Variants in KCNJ4 observed in about 807,000 individuals in gnomAD.
The protein encoded by KCNJ4 is potassium inwardly rectifying channel subfamily J member 4.
A neutral mutation model predicts 25.6 loss-of-function variants in KCNJ4; 3 were observed. The observed-to-expected ratio is 0.12, with a 90% CI of 0.05 to 0.30. The LOEUF (loss-of-function observed/expected upper bound fraction) is 0.30, where lower values mean the gene tolerates loss of function less well. Among genes scored for constraint, KCNJ4 ranks in the 10% least tolerant of loss-of-function variants. The pLI is 1.00. For missense variants in KCNJ4, 286 were observed against 666.8 expected, an observed-to-expected ratio of 0.43 and a Z score of 6.29; for synonymous variants, 257 against 283.9, an observed-to-expected ratio of 0.91 and a Z score of 0.95.
chr22:38,432,667 G>A (rs2093053771), intron 1 of KCNJ4, among the ~76,000 whole-genome samples: 1 of 152,114 alleles, frequency 6.6e-6, no homozygotes, highest in South Asian at 2.1e-4. Flanking sequence ...ATGGCAAAAT[G>A]AGCCTAAGAA....
rs139610789 is a variant in KCNJ4, at chr22:38,426,822, G to T, written c.1311C>A (p.Ile437=). ...AGATGGCAGACTCCCTGCGGTAGGAGATGTTGTCCAGCGGGAGGGAAGCCT... is the reference window on the plus strand; with the variant it reads ...AGATGGCAGACTCCCTGCGGTAGGATATGTTGTCCAGCGGGAGGGAAGCCT... ...RMQASLPLDN[I]SYRRESAI Residue 437 remains isoleucine, a synonymous_variant, in exon 2 of 2, where the codon ATC becomes ATA. Coordinates refer to ENST00000303592, the MANE Select transcript of KCNJ4 (RefSeq NM_152868.3). 2 of 1,612,896 alleles carry T rather than the reference G, an allele frequency of 1.2e-6. No individual in the cohort carries two copies. Among genetic ancestry groups the T allele is most frequent in the African/African-American group, 2.7e-5 (2 of 74,900 alleles).
Position 38,427,592 on chromosome 22 carries a change from G to T in KCNJ4, c.541C>A (p.Arg181=). The T allele has an allele frequency of 6.2e-7, 1 of 1,611,998 alleles. No individual in the cohort carries two copies. Among genetic ancestry groups the T allele is most frequent in the Non-Finnish European group, 8.5e-7 (1 of 1,178,942 alleles). Residue 181 remains arginine (R), a synonymous_variant, in exon 2 of 2, where the codon CGG becomes AGG. Coordinates refer to ENST00000303592, the MANE Select transcript of KCNJ4 (RefSeq NM_152868.3). ...IMAKMARPKK[R]AQTLLFSHHA... ...TGGCTGAACAGCAACGTCTGCGCCC[G>T]CTTCTTGGGCCGCGCCATCTTGGCC...
intron 1 of KCNJ4, 60 bp from the exon 2 acceptor site, chr22:38,428,231 C>T: frequency 1.4e-6 from 2 of 1,427,360 alleles, no homozygotes; most frequent in Non-Finnish European, 1.9e-6. Flanking sequence ...CTCGGGGCCA[C>T]TCAGACTCAG....
At chr22:38,444,109 C>T (rs1028265818) in intron 1 of KCNJ4, among the ~76,000 whole-genome samples, 5 of 152,126 alleles carry the variant, frequency 3.3e-5, no homozygotes, top group Non-Finnish European at 5.9e-5. Context: ...GGCCCCGAGG[C>T]CCTCCCTCCC....
Position 38,427,776 on chromosome 22 carries a change from G to A in KCNJ4, c.357C>T (p.Asn119=), listed in dbSNP as rs777364120. The change falls in exon 2 of 2, where the codon AAC becomes AAT. Residue 119 remains asparagine, a synonymous_variant. Transcript: ENST00000303592. ...VAPKPCIMHV[N]GFLGAFLFSV... Reference sequence around the variant, plus strand: ...AGAACAGGAAGGCACCCAGGAAGCCGTTCACGTGCATGATGCAGGGCTTGG... The same window carrying A: ...AGAACAGGAAGGCACCCAGGAAGCCATTCACGTGCATGATGCAGGGCTTGG... The A allele has an allele frequency of 2.6e-5, 42 of 1,608,926 alleles. No homozygotes were observed. The highest frequency in any genetic ancestry group is 3.5e-5 in the Non-Finnish European group (41 of 1,178,168).
intron 1 of KCNJ4, among the ~76,000 whole-genome samples, chr22:38,438,022 T>C (rs549336556): frequency 6.6e-6 from 1 of 151,686 alleles, no homozygotes; most frequent in East Asian, 2.0e-4. Context: ...GTGGATCACC[T>C]GAGGTCAGGA....
Position 38,426,783 on chromosome 22 carries a change from C to T in KCNJ4, c.*12G>A, listed in dbSNP as rs374216144. 49 of 1,595,882 alleles carry T rather than the reference C, an allele frequency of 3.1e-5. No individual in the cohort carries two copies. In the African/African-American group the frequency reaches 5.0e-4, roughly 16 times the overall value. ...GGCTCTTGTGGGCAGTGGTGAGGGC[C>T]GGGCCTGGAGGTCAGATGGCAGACT... On this transcript the variant is annotated 3_prime_UTR_variant, in exon 2 of 2. Coordinates refer to ENST00000303592, the MANE Select transcript of KCNJ4 (RefSeq NM_152868.3).
intron 1 of KCNJ4, among the ~76,000 whole-genome samples, chr22:38,440,260 G>C (rs1174749980): frequency 4.0e-5 from 6 of 150,124 alleles, no homozygotes. Context: ...ATAAAAAGTA[G>C]GCTGGGCATG....
chr22:38,430,633 T>A (rs2093046840), intron 1 of KCNJ4, among the ~76,000 whole-genome samples: 1 of 152,146 alleles, frequency 6.6e-6, no homozygotes. Flanking sequence ...CTTTGCCCCC[T>A]CCCGCAGCAT....
chr22:38,426,480 G>C lies in KCNJ4; in HGVS notation c.*315C>G. The C allele has an allele frequency of 6.0e-6, 1 of 166,476 alleles. No individual in the cohort carries two copies. Among genetic ancestry groups the C allele is most frequent in the Non-Finnish European group, 1.2e-5 (1 of 83,876 alleles). The allele number at this position is 166,476 out of a possible 1,614,324, so 10.3% of individuals were successfully genotyped here. On this transcript the variant is annotated 3_prime_UTR_variant, in exon 2 of 2. Coordinates refer to ENST00000303592, the MANE Select transcript of KCNJ4 (RefSeq NM_152868.3). ...GAGATGTCCCCCGCCCAGCAGTCCA[G>C]CCACCTTCCCCAAGGTTCTGAGAGC...
At chr22:38,437,140 A>G (rs1426488218) in intron 1 of KCNJ4, among the ~76,000 whole-genome samples, 1 of 151,764 alleles carries the variant, frequency 6.6e-6, no homozygotes, top group East Asian at 1.9e-4. Flanking sequence ...CATTCCTCCT[A>G]CTCTGCACCC....
intron 1 of KCNJ4, among the ~76,000 whole-genome samples, chr22:38,433,897 G>T (rs2093057812): frequency 6.6e-6 from 1 of 152,176 alleles, no homozygotes; most frequent in African/African-American, 2.4e-5. Context: ...AGGTTTTCCC[G>T]ACAATTTTAG....
At chr22:38,446,216 GGCTGGCCATTCTCCTCTGTCCTCTA>G (rs1382152459) in intron 1 of KCNJ4, among the ~76,000 whole-genome samples, 1 of 152,246 alleles carries the variant, frequency 6.6e-6, no homozygotes, top group Non-Finnish European at 1.5e-5. Context: ...GCCCGTGGCT[GGCTGGCCATTCTCCTCTGTCCTCTA>G]GCCTGTTGTC....
chr22:38,444,622 G>C (rs1191247639), intron 1 of KCNJ4, among the ~76,000 whole-genome samples: 2 of 152,222 alleles, frequency 1.3e-5, no homozygotes, highest in South Asian at 2.1e-4. Context: ...CCTAGTGGGA[G>C]AGGGCATGGG....
intron 1 of KCNJ4, among the ~76,000 whole-genome samples, chr22:38,448,288 C>A (rs1265320154): frequency 6.6e-6 from 1 of 151,540 alleles, no homozygotes. Context: ...ATCCCTGCAG[C>A]CCGGGTCGCT....
chr22:38,444,843 C>T (rs1238341154), intron 1 of KCNJ4, among the ~76,000 whole-genome samples: 2 of 152,186 alleles, frequency 1.3e-5, no homozygotes, highest in Non-Finnish European at 2.9e-5. Context: ...CCCATCCATC[C>T]ATCCATTCAT....
chr22:38,430,708 T>A (rs1250910967), intron 1 of KCNJ4, among the ~76,000 whole-genome samples: 1 of 152,148 alleles, frequency 6.6e-6, no homozygotes, highest in East Asian at 1.9e-4. Flanking sequence ...TTCTGCTCTG[T>A]AAATAGAGTT....
chr22:38,426,783 C>G lies in KCNJ4; in HGVS notation c.*12G>C. The G allele has an allele frequency of 6.3e-7, 1 of 1,596,002 alleles. No homozygotes were observed. The highest frequency in any genetic ancestry group is 8.6e-7 in the Non-Finnish European group (1 of 1,169,172). On this transcript the variant is annotated 3_prime_UTR_variant, in exon 2 of 2. Transcript: ENST00000303592. ...GGCTCTTGTGGGCAGTGGTGAGGGC[C>G]GGGCCTGGAGGTCAGATGGCAGACT...
intron 1 of KCNJ4, among the ~76,000 whole-genome samples, chr22:38,445,784 C>T (rs1019915514): frequency 1.3e-5 from 2 of 152,182 alleles, no homozygotes; most frequent in Admixed American, 6.5e-5. Context: ...AACCCACTAA[C>T]GGGGCAGGAC....
Sources: allele counts gnomAD v4.1 joint callset (sites outside exome capture counted in the v4.1 genomes callset), GRCh38; gene constraint gnomAD v4.1.1; transcripts MANE v1.5; gene names NCBI Gene and HGNC (gene_info 2026-07-23, HGNC 2026-07-21).